Variants in TBL1XR1 observed in about 807,000 individuals in gnomAD.
TBL1XR1 encodes the protein TBL1X/Y related 1, also known as F-box-like/WD repeat-containing protein TBL1XR1.
TBL1XR1 carries 5 observed loss-of-function variants against 66.9 expected under a neutral mutation model. The ratio of observed to expected loss-of-function variants is 0.07; its 90% CI spans 0.04 to 0.16. The LOEUF (loss-of-function observed/expected upper bound fraction) is 0.16. TBL1XR1 is among the 10% of genes least tolerant of loss of function. The pLI is 1.00. For synonymous variants in TBL1XR1, 210 were observed against 206.0 expected (o/e 1.02, Z -0.17); for missense variants, 238 against 623.2 (o/e 0.38, Z 6.58).
chr3:177,136,786 A>G (rs1729046765), intron 1 of TBL1XR1, among the ~76,000 whole-genome samples: 1 of 152,120 alleles, frequency 6.6e-6, no homozygotes, highest in Admixed American at 6.5e-5. Context: ...CGAAGAAGAA[A>G]AAATGAACTG....
At position 177,045,959 on chromosome 3, in the gene TBL1XR1, T is replaced by C. The variant is rs148274626; in HGVS notation, c.925+170A>G. Among the ~76,000 whole-genome samples, 1,516 of 152,246 alleles carry C rather than the reference T, an allele frequency of 1.0e-2. 17 individuals carry two copies. The highest frequency in any genetic ancestry group is 0.012 in the Non-Finnish European group (794 of 67,998). On this transcript the variant is annotated intron_variant, in intron 10 of 15. Coordinates refer to ENST00000457928, the MANE Select transcript of TBL1XR1 (RefSeq NM_024665.7). ...ACATTTCACAGAAAACGTTTGATGA[T>C]CCTCTGACAATTAAGAGTCTGAATG...
chr3:177,159,818 CCT>C (rs146326167), intron 1 of TBL1XR1, among the ~76,000 whole-genome samples: 4,128 of 152,178 alleles, frequency 0.027, 177 homozygotes, highest in African/African-American at 0.093. Context: ...GATGCTGGCC[CCT>C]GAGTTTCAAG....
intron 1 of TBL1XR1, among the ~76,000 whole-genome samples, chr3:177,188,519 C>T (rs1396459086): frequency 2.6e-5 from 4 of 152,186 alleles, no homozygotes; most frequent in South Asian, 2.1e-4. Context: ...TGCACTCCAG[C>T]CTGGGCAACA....
At chr3:177,111,998 TAAG>T (rs1227133307) in intron 1 of TBL1XR1, among the ~76,000 whole-genome samples, 1 of 134,986 alleles carries the variant, frequency 7.4e-6, no homozygotes, top group African/African-American at 2.8e-5. Flanking sequence ...TTTTAAAAAA[TAAG>T]AACTAGGCCC....
intron 1 of TBL1XR1, among the ~76,000 whole-genome samples, chr3:177,121,031 G>A (rs2108755830): frequency 6.6e-6 from 1 of 152,230 alleles, no homozygotes; most frequent in South Asian, 2.1e-4. Flanking sequence ...TTTAAATACT[G>A]CATACTACAA....
intron 14 of TBL1XR1, 68 bp from the exon 15 acceptor site, chr3:177,026,542 A>G (rs1031165698): frequency 8.7e-7 from 1 of 1,146,028 alleles, no homozygotes; most frequent in African/African-American, 1.6e-5. Flanking sequence ...ATGCTGAAAT[A>G]AAAATATTAC....
At chr3:177,104,069 T>C (rs1724559777) in intron 1 of TBL1XR1, among the ~76,000 whole-genome samples, 1 of 145,484 alleles carries the variant, frequency 6.9e-6, no homozygotes, top group Admixed American at 7.1e-5. Context: ...TGAGCTGAGA[T>C]CACATCACTG....
chr3:177,105,087 G>A (rs1231659555), intron 1 of TBL1XR1, among the ~76,000 whole-genome samples: 1 of 152,118 alleles, frequency 6.6e-6, no homozygotes, highest in Middle Eastern at 3.2e-3. Context: ...TTGAACATGA[G>A]AAAAAGCTTA....
intron 1 of TBL1XR1, among the ~76,000 whole-genome samples, chr3:177,144,022 G>A (rs62296584): frequency 6.6e-6 from 1 of 151,494 alleles, no homozygotes; most frequent in African/African-American, 2.4e-5. Context: ...GAGGCAGGCG[G>A]ATCACCTGAG....
intron 1 of TBL1XR1, among the ~76,000 whole-genome samples, chr3:177,146,459 T>C (rs888186947): frequency 1.3e-5 from 2 of 151,500 alleles, no homozygotes. Flanking sequence ...GGTAATTTTT[T>C]GTATTTTTAG....
In TBL1XR1 at chr3:177,179,685, A is replaced by G. The variant is rs566736478; in HGVS notation, c.-122+17436T>C. The stretch of plus-strand genomic sequence containing the variant: ...TTAAATTCTACCATGTGCATTCACC[A>G]TATTTATCAAAGACCATTAGCATGC... On this transcript the variant is annotated intron_variant, in intron 1 of 15. Transcript: ENST00000457928. Among the ~76,000 whole-genome samples, 6 of 152,342 alleles carry G rather than the reference A, an allele frequency of 3.9e-5. No homozygotes were observed. The South Asian group carries it at 1.2e-3, about 32-fold the overall frequency.
intron 1 of TBL1XR1, among the ~76,000 whole-genome samples, chr3:177,186,732 T>C (rs1347564943): frequency 1.3e-5 from 2 of 152,164 alleles, no homozygotes. Flanking sequence ...AGGCTGTAGA[T>C]TTTTAGTACT....
intron 1 of TBL1XR1, among the ~76,000 whole-genome samples, chr3:177,109,671 G>C (rs1340167268): frequency 1.3e-5 from 2 of 152,032 alleles, no homozygotes; most frequent in African/African-American, 4.8e-5. Context: ...CTCTCTCACA[G>C]TTTAAATTCC....
At chr3:177,127,219 T>C (rs181580272) in intron 1 of TBL1XR1, among the ~76,000 whole-genome samples, 30 of 152,346 alleles carry the variant, frequency 2.0e-4, no homozygotes, top group Middle Eastern at 3.4e-3. Context: ...AACTTGTATA[T>C]CTAGTTCCCA....
intron 3 of TBL1XR1, 57 bp from the exon 4 acceptor site, chr3:177,053,975 GAC>G: frequency 6.6e-7 from 1 of 1,514,638 alleles, no homozygotes; most frequent in Non-Finnish European, 9.0e-7. Flanking sequence ...CATGCTAAAT[GAC>G]ACAGAAAGAA....
rs998389736 is a variant in TBL1XR1, at chr3:177,067,478, T to G, written c.-45-2456A>C. ...TTTCCCAGCTGAAACTAGTAACAAG[T>G]GATGCTTCCAGCACCACCTAATGCA... is the stretch of plus-strand genomic sequence containing the variant. On this transcript the variant is annotated intron_variant, in intron 2 of 15. Coordinates refer to ENST00000457928, the MANE Select transcript of TBL1XR1 (RefSeq NM_024665.7). 1.4e-4 allele frequency among the ~76,000 whole-genome samples: 17 copies of G among 121,872 alleles called. No homozygotes were observed. The East Asian group carries it at 4.4e-3, about 32-fold the overall frequency. 80.0% of individuals were successfully genotyped at this position (121,872 alleles called of 152,430 possible).
At chr3:177,154,969 C>A (rs1731320431) in intron 1 of TBL1XR1, among the ~76,000 whole-genome samples, 1 of 152,046 alleles carries the variant, frequency 6.6e-6, no homozygotes, top group Admixed American at 6.6e-5. Flanking sequence ...AAGTCCCATA[C>A]AAAGTTACCA....
intron 1 of TBL1XR1, among the ~76,000 whole-genome samples, chr3:177,177,954 C>CT (rs1479956126): frequency 6.6e-6 from 1 of 152,064 alleles, no homozygotes; most frequent in East Asian, 1.9e-4. Context: ...TGGCTGAAAA[C>CT]TGCCGCGGGT....
At chr3:177,158,523 G>A (rs139687371) in intron 1 of TBL1XR1, among the ~76,000 whole-genome samples, 8 of 152,064 alleles carry the variant, frequency 5.3e-5, no homozygotes, top group East Asian at 1.9e-4. Context: ...CACCACGTCC[G>A]GCCAATATAG....
Sources: gnomAD v4.1 joint callset for allele counts (sites outside exome capture counted in the v4.1 genomes callset) on GRCh38, gnomAD v4.1.1 for gene constraint, MANE v1.5 for transcripts, NCBI Gene and HGNC (gene_info 2026-07-23, HGNC 2026-07-21) for gene names.